ST6GALNAC5: variants seen among roughly 807,000 people sequenced by gnomAD.
ST6GALNAC5 encodes ST6 N-acetylgalactosaminide alpha-2,6-sialyltransferase 5, also known as alpha-N-acetylgalactosaminide alpha-2,6-sialyltransferase 5.
In ST6GALNAC5, 27 loss-of-function variants were observed where a neutral mutation model predicts 33.6. The ratio of observed to expected loss-of-function variants is 0.80; its 90% CI spans 0.59 to 1.11. ST6GALNAC5 has a LOEUF of 1.11. Ranked by LOEUF, ST6GALNAC5 falls within the 50% of genes least tolerant of loss-of-function variation. ST6GALNAC5 has a pLI of 0.00. For missense variants in ST6GALNAC5, 428 were observed against 454.0 expected (o/e 0.94, Z 0.52); for synonymous variants, 194 against 171.2 (o/e 1.13, Z -1.04).
At chr1:77,011,135 T>C (rs1024677644) in intron 2 of ST6GALNAC5, among the ~76,000 whole-genome samples, 1 of 134,776 alleles carries the variant, frequency 7.4e-6, no homozygotes, top group Non-Finnish European at 1.7e-5. Flanking sequence ...TTTTCCAAGG[T>C]CTGCCACAAC....
At chr1:76,879,169 T>A (rs4949643) in intron 2 of ST6GALNAC5, among the ~76,000 whole-genome samples, 10,494 of 152,200 alleles carry the variant, frequency 0.069, 786 homozygotes, top group African/African-American at 0.19. Context: ...ATGTCTAAAG[T>A]GACTAATCCA....
At chr1:77,015,501 C>T (rs550855482) in intron 2 of ST6GALNAC5, among the ~76,000 whole-genome samples, 78 of 152,146 alleles carry the variant, frequency 5.1e-4, no homozygotes, top group African/African-American at 1.8e-3. Flanking sequence ...CACAGTCCAC[C>T]CATAAATATG....
rs115730989 is a variant in ST6GALNAC5 at position 77,041,512 on chromosome 1, G to A, written c.262-2692G>A. 8.1e-3 allele frequency among the ~76,000 whole-genome samples: 1,239 copies of A among 152,228 alleles called. 19 individuals are homozygous for A. Among genetic ancestry groups the A allele is most frequent in the African/African-American group, 0.029 (1,191 of 41,526 alleles). ...TTTCACCATTGAATAAATTATCATG[G>A]AACTCTTCCCTCTTCATCATTTATG... On this transcript the variant is annotated intron_variant, in intron 2 of 4. Coordinates refer to ENST00000477717, the MANE Select transcript of ST6GALNAC5 (RefSeq NM_030965.3).
At chr1:77,040,328 C>T (rs1651792587) in intron 2 of ST6GALNAC5, among the ~76,000 whole-genome samples, 1 of 152,194 alleles carries the variant, frequency 6.6e-6, no homozygotes, top group Non-Finnish European at 1.5e-5. Context: ...CTTCAGACTT[C>T]GATCTTTTTT....
chr1:77,054,556 A>C (rs1462924747), intron 4 of ST6GALNAC5, among the ~76,000 whole-genome samples: 2 of 152,250 alleles, frequency 1.3e-5, no homozygotes, highest in Non-Finnish European at 1.5e-5. Context: ...AGGAGAGTAG[A>C]ATCATCACCT....
intron 2 of ST6GALNAC5, among the ~76,000 whole-genome samples, chr1:76,889,509 A>G (rs1391427207): frequency 2.0e-5 from 3 of 152,046 alleles, no homozygotes; most frequent in Non-Finnish European, 2.9e-5. Context: ...TGCCCACATC[A>G]GTTATTTTAT....
chr1:76,977,872 T>C (rs1474826733), intron 2 of ST6GALNAC5, among the ~76,000 whole-genome samples: 2 of 152,240 alleles, frequency 1.3e-5, no homozygotes, highest in African/African-American at 4.8e-5. Flanking sequence ...ATGATAGTTC[T>C]ATTTTTAATT....
rs982769357 is a variant in ST6GALNAC5, at chr1:76,898,888, G to T, written c.261+30146G>T. 9.9e-5 allele frequency among the ~76,000 whole-genome samples: 15 copies of T among 152,076 alleles called. No homozygotes were observed. In the South Asian group the frequency reaches 1.0e-3, roughly 11 times the overall value. ...GAGGTCAGATGGGTCTGTAGAAAAG[G>T]TAGATTAGAAAGACTCAGTGACACT... On this transcript the variant is annotated intron_variant, in intron 2 of 4. Coordinates refer to ENST00000477717, the MANE Select transcript of ST6GALNAC5 (RefSeq NM_030965.3).
chr1:76,975,478 C>T (rs1345543771), intron 2 of ST6GALNAC5, among the ~76,000 whole-genome samples: 2 of 152,050 alleles, frequency 1.3e-5, no homozygotes, highest in African/African-American at 4.8e-5. Context: ...AAGCATTATA[C>T]GTTCAAAAAT....
intron 2 of ST6GALNAC5, among the ~76,000 whole-genome samples, chr1:76,896,119 A>G (rs1654127719): frequency 6.6e-6 from 1 of 152,214 alleles, no homozygotes; most frequent in Admixed American, 6.5e-5. Context: ...CTGATCTGTT[A>G]TCAGACTGTA....
intron 2 of ST6GALNAC5, among the ~76,000 whole-genome samples, chr1:76,875,605 G>A (rs1022013261): frequency 7.9e-5 from 12 of 152,114 alleles, no homozygotes; most frequent in Non-Finnish European, 4.4e-5. Flanking sequence ...TCCTCTCTCT[G>A]GAGCTAAGAC....
At chr1:76,936,561 A>C (rs1476728763) in intron 2 of ST6GALNAC5, among the ~76,000 whole-genome samples, 1 of 152,060 alleles carries the variant, frequency 6.6e-6, no homozygotes, top group Non-Finnish European at 1.5e-5. Flanking sequence ...ACAGAAGGAC[A>C]TTCTTTCTTT....
chr1:77,013,237 T>G (rs1259767303), intron 2 of ST6GALNAC5, among the ~76,000 whole-genome samples: 1 of 142,288 alleles, frequency 7.0e-6, no homozygotes, highest in Non-Finnish European at 1.5e-5. Context: ...GGTCTAGGTC[T>G]CAATATGAAG....
At chr1:77,007,487 G>A (rs1041483390) in intron 2 of ST6GALNAC5, among the ~76,000 whole-genome samples, 4 of 152,168 alleles carry the variant, frequency 2.6e-5, no homozygotes, top group Non-Finnish European at 4.4e-5. Flanking sequence ...TACTGCAGGT[G>A]GAAAAGTTTT....
In ST6GALNAC5 at chr1:77,050,378, C is replaced by G. The variant is rs373329908; in HGVS notation, c.779+13C>G. The G allele has an allele frequency of 2.4e-5, 38 of 1,609,374 alleles. No homozygotes were observed. The African/African-American group carries it at 4.1e-4, about 18-fold the overall frequency. On this transcript the variant is annotated intron_variant, in intron 4 of 4. Transcript: ENST00000477717. The stretch of plus-strand genomic sequence containing the variant: ...CAGACTTCTGCAGGTAGGATTTATT[C>G]TGCAAGTGTAAATCATCAGCCGTGT...
At chr1:77,052,173 C>T (rs922765256) in intron 4 of ST6GALNAC5, among the ~76,000 whole-genome samples, 8 of 152,208 alleles carry the variant, frequency 5.3e-5, no homozygotes, top group South Asian at 2.1e-4. Context: ...TCAGCAAGAA[C>T]TCTTCAAAAG....
chr1:76,968,350 CT>C (rs1648588239), intron 2 of ST6GALNAC5, among the ~76,000 whole-genome samples: 1 of 152,120 alleles, frequency 6.6e-6, no homozygotes, highest in African/African-American at 2.4e-5. Flanking sequence ...CCTTCTTTGT[CT>C]CTTTTGATCT....
At chr1:76,945,667 A>G (rs767121066) in intron 2 of ST6GALNAC5, among the ~76,000 whole-genome samples, 1 of 152,036 alleles carries the variant, frequency 6.6e-6, no homozygotes, top group Non-Finnish European at 1.5e-5. Context: ...CATGAAGGAG[A>G]GAGAGTAAAA....
At chr1:76,972,357 C>T (rs1423272583) in intron 2 of ST6GALNAC5, among the ~76,000 whole-genome samples, 12 of 152,276 alleles carry the variant, frequency 7.9e-5, no homozygotes, top group Non-Finnish European at 4.4e-5. Context: ...ATGAGATCTA[C>T]AATTCAAGTT....
Sources: allele counts gnomAD v4.1 joint callset (sites outside exome capture counted in the v4.1 genomes callset), GRCh38; gene constraint gnomAD v4.1.1; transcripts MANE v1.5; gene names NCBI Gene and HGNC (gene_info 2026-07-23, HGNC 2026-07-21).